TBC1D15: variants seen among roughly 807,000 people sequenced by gnomAD.
TBC1D15 encodes the protein GAP for RAB7.
A neutral mutation model predicts 95.4 loss-of-function variants in TBC1D15; 39 were observed. The ratio of observed to expected loss-of-function variants is 0.41; its 90% CI spans 0.32 to 0.53. The LOEUF (loss-of-function observed/expected upper bound fraction) is 0.53. Ranked by LOEUF, TBC1D15 falls within the 20% of genes least tolerant of loss-of-function variation. TBC1D15 has a pLI of 0.29. For synonymous variants in TBC1D15, 258 were observed against 261.3 expected (o/e 0.99, Z 0.12); for missense variants, 733 against 794.3 (o/e 0.92, Z 0.93).
chr12:71,860,759 G>A (rs896855142), intron 1 of TBC1D15, among the ~76,000 whole-genome samples: 4 of 152,060 alleles, frequency 2.6e-5, no homozygotes, highest in African/African-American at 9.7e-5. Context: ...TTCCAGTACG[G>A]TGTTGACTAA....
At chr12:71,865,191 G>T (rs1230244761) in intron 1 of TBC1D15, among the ~76,000 whole-genome samples, 6 of 152,220 alleles carry the variant, frequency 3.9e-5, no homozygotes, top group African/African-American at 1.4e-4. Context: ...TCTGGGTCTT[G>T]GGATGCAGGT....
At chr12:71,917,133 T>C (rs1025337294) in intron 12 of TBC1D15, among the ~76,000 whole-genome samples, 1 of 152,176 alleles carries the variant, frequency 6.6e-6, no homozygotes, top group Non-Finnish European at 1.5e-5. Flanking sequence ...TTTTCATATT[T>C]GCTTCTGTGT....
At chr12:71,873,053 C>T in intron 3 of TBC1D15, 50 bp downstream of exon 3, 2 of 1,233,190 alleles carry the variant, frequency 1.6e-6, no homozygotes, top group South Asian at 1.3e-5. Context: ...TAAAAAATAA[C>T]AGTATTATCC....
chr12:71,923,148 G>T lies in TBC1D15; in HGVS notation c.1969G>T (p.Asp657Tyr). The change falls in exon 17 of 17, where the codon GAC becomes TAC. Residue 657 changes from aspartate (D) to tyrosine (Y), a missense_variant. Physicochemically the swap from Asp to Tyr is radical, Grantham distance 160 (BLOSUM62 -3). Transcript: ENST00000485960. ...ACTCTCTGCCAGTGGAGCCAGAAAT[G>T]ACAGCCCAACACAGATACCAGTGTC... ...PTLSASGARN[D>Y]SPTQIPVSSD... 6.2e-7 allele frequency: 1 copy of T among 1,614,180 alleles called. No homozygotes were observed. The highest frequency in any genetic ancestry group is 8.5e-7 in the Non-Finnish European group (1 of 1,180,032).
chr12:71,922,323 G>A (rs1869714915), intron 16 of TBC1D15, among the ~76,000 whole-genome samples: 1 of 152,024 alleles, frequency 6.6e-6, no homozygotes, highest in Non-Finnish European at 1.5e-5. Flanking sequence ...GACTTCAGGT[G>A]ATCCACCCAC....
chr12:71,884,873 A>G lies in TBC1D15; in HGVS notation c.406A>G (p.Lys136Glu), dbSNP rs908896641. The change falls in exon 5 of 17, where the codon AAA becomes GAA. Residue 136 changes from lysine to glutamate, a missense_variant. Coordinates refer to ENST00000485960, the MANE Select transcript of TBC1D15 (RefSeq NM_001146213.3). Reference protein sequence around the residue: ...WSFLFSLTDLKSIKQNKEGMG... With the variant: ...WSFLFSLTDLESIKQNKEGMG... Reference sequence around the variant, plus strand: ...ATTCCTGTTCAGTTTGACAGACCTGAAATCAATCAAGCAAAACAAAGAGGG... The same window carrying G: ...ATTCCTGTTCAGTTTGACAGACCTGGAATCAATCAAGCAAAACAAAGAGGG... The G allele has an allele frequency of 6.2e-7, 1 of 1,613,970 alleles. No homozygotes were observed. Among genetic ancestry groups the G allele is most frequent in the African/African-American group, 1.3e-5 (1 of 74,944 alleles).
chr12:71,893,265 A>G lies in TBC1D15; in HGVS notation c.598A>G (p.Lys200Glu), dbSNP rs769581394. 3 of 1,609,786 alleles carry G rather than the reference A, an allele frequency of 1.9e-6. No individual in the cohort carries two copies. Among genetic ancestry groups the G allele is most frequent in the Non-Finnish European group, 2.5e-6 (3 of 1,177,966 alleles). The change falls in exon 6 of 17, where the codon AAG (lysine) becomes GAG (glutamate). Residue 200 changes from lysine to glutamate, a missense_variant. Coordinates refer to ENST00000485960, the MANE Select transcript of TBC1D15 (RefSeq NM_001146213.3). ...AACACTTCTTGTGAATTGTCAGAAT[A>G]AGAGTCTTTCACAGTCTTTTGAAAA... is the stretch of plus-strand genomic sequence containing the variant. ...KRTLLVNCQNKSLSQSFENLL... is the reference protein window; with the variant it reads ...KRTLLVNCQNESLSQSFENLL...
rs151310153 is a variant in TBC1D15, at chr12:71,863,381, A to AAAAAG, written c.31-8670_31-8666dup. On this transcript the variant is annotated intron_variant, in intron 1 of 16. Coordinates refer to ENST00000485960, the MANE Select transcript of TBC1D15 (RefSeq NM_001146213.3). ...CGACAGAGTGAGACTCTGTCTCAAA[A>AAAAAG]AAAAGAAAAGAAAAGAAAAGAAATC... Among the ~76,000 whole-genome samples the AAAAAG allele has an allele frequency of 5.3e-5, 8 of 152,016 alleles. No individual in the cohort carries two copies. The East Asian group carries it at 9.6e-4, about 18-fold the overall frequency.
chr12:71,887,780 T>C (rs930111117), intron 5 of TBC1D15, among the ~76,000 whole-genome samples: 1 of 152,208 alleles, frequency 6.6e-6, no homozygotes, highest in African/African-American at 2.4e-5. Flanking sequence ...TTCTTTTGTG[T>C]TTTACTCTAG....
At chr12:71,880,404 A>C in intron 3 of TBC1D15, 65 bp from the exon 4 acceptor site, 1 of 1,393,690 alleles carries the variant, frequency 7.2e-7, no homozygotes, top group Non-Finnish European at 9.8e-7. Flanking sequence ...TGAAGCTAAG[A>C]TGATATGGAT....
chr12:71,872,303 G>A (rs568607730), intron 2 of TBC1D15, 135 bp downstream of exon 2: 10 of 489,106 alleles, frequency 2.0e-5, no homozygotes, highest in East Asian at 6.9e-5. Context: ...ATTTAACACC[G>A]AAATGATGTA....
chr12:71,895,570 AT>A (rs1898006661), intron 7 of TBC1D15, among the ~76,000 whole-genome samples: 1 of 152,098 alleles, frequency 6.6e-6, no homozygotes, highest in Admixed American at 6.6e-5. Flanking sequence ...TAATGGAATA[AT>A]TATATATTCT....
intron 13 of TBC1D15, among the ~76,000 whole-genome samples, 166 bp downstream of exon 13, chr12:71,917,963 G>T (rs1208892630): frequency 6.6e-6 from 1 of 152,076 alleles, no homozygotes; most frequent in East Asian, 1.9e-4. Flanking sequence ...TTTGAGACTA[G>T]CCTGGCTAGC....
intron 10 of TBC1D15, among the ~76,000 whole-genome samples, chr12:71,898,311 A>G (rs1263768216): frequency 6.6e-6 from 1 of 152,066 alleles, no homozygotes; most frequent in Non-Finnish European, 1.5e-5. Flanking sequence ...AAAGAGGTAA[A>G]TAGAAATTAT....
chr12:71,850,150 A>G (rs939674621), intron 1 of TBC1D15: 6 of 551,504 alleles, frequency 1.1e-5, no homozygotes, highest in Non-Finnish European at 1.8e-5. Context: ...CATGATAATC[A>G]TATTATTTCT....
At chr12:71,850,430 G>T in intron 1 of TBC1D15, 2 of 241,976 alleles carry the variant, frequency 8.3e-6, no homozygotes, top group South Asian at 9.8e-5. Flanking sequence ...GCCACAGGCA[G>T]TCGCAGAGTT....
At chr12:71,877,641 A>C (rs1894244488) in intron 3 of TBC1D15, among the ~76,000 whole-genome samples, 1 of 135,954 alleles carries the variant, frequency 7.4e-6, no homozygotes, top group African/African-American at 2.8e-5. Context: ...TGCCTTTTTC[A>C]TTTTTTGCTA....
intron 1 of TBC1D15, among the ~76,000 whole-genome samples, chr12:71,861,033 T>C (rs1890257045): frequency 6.6e-6 from 1 of 152,206 alleles, no homozygotes; most frequent in Non-Finnish European, 1.5e-5. Flanking sequence ...TGTTGAACCA[T>C]CCATGCATCC....
rs567581599 is a variant in TBC1D15 at position 71,896,133 on chromosome 12, G to C, written c.984+58G>C. 2.1e-5 allele frequency: 27 copies of C among 1,295,848 alleles called. No homozygotes were observed. In the Admixed American group the frequency reaches 5.0e-4, roughly 24 times the overall value. 80.3% of individuals were successfully genotyped at this position (1,295,848 alleles called of 1,614,324 possible). A position where few individuals can be genotyped will look rare whatever the true frequency, so the allele number is the denominator to read the frequency against. On this transcript the variant is annotated intron_variant, in intron 8 of 16. Transcript: ENST00000485960. ...TAAACTCCTAGTATTTAGGGGTTTT[G>C]TTGTTATCGTTACTGTTTTGGTGTG...
Sources: gnomAD v4.1 joint callset for allele counts (sites outside exome capture counted in the v4.1 genomes callset) on GRCh38, gnomAD v4.1.1 for gene constraint, MANE v1.5 for transcripts, NCBI Gene and HGNC (gene_info 2026-07-23, HGNC 2026-07-21) for gene names.